KCTD8: variants seen among roughly 807,000 people sequenced by gnomAD.
The protein encoded by KCTD8 is potassium channel tetramerization domain containing 8.
A neutral mutation model predicts 31.5 loss-of-function variants in KCTD8; 27 were observed. That is an observed-to-expected ratio of 0.86 (90% CI 0.63 to 1.18). The LOEUF (loss-of-function observed/expected upper bound fraction) is 1.18. Among genes scored for constraint, KCTD8 ranks in the 50% most tolerant of loss-of-function variants. The pLI is 0.00. For synonymous variants in KCTD8, 290 were observed against 280.0 expected (o/e 1.04, Z -0.36); for missense variants, 658 against 647.7 (o/e 1.02, Z -0.17).
intron 1 of KCTD8, among the ~76,000 whole-genome samples, chr4:44,209,955 T>G (rs905260553): frequency 1.2e-4 from 18 of 152,184 alleles, no homozygotes; most frequent in African/African-American, 4.1e-4. Flanking sequence ...TATAGAATTC[T>G]GACTAAATAA....
At chr4:44,418,937 A>G (rs569428792) in intron 1 of KCTD8, among the ~76,000 whole-genome samples, 13 of 152,338 alleles carry the variant, frequency 8.5e-5, no homozygotes, top group African/African-American at 2.6e-4. Context: ...TACCTTTTAT[A>G]TAACCCAACC....
intron 1 of KCTD8, among the ~76,000 whole-genome samples, chr4:44,439,389 AT>A (rs1721759672): frequency 6.6e-6 from 1 of 152,112 alleles, no homozygotes; most frequent in African/African-American, 2.4e-5. Flanking sequence ...TGGTTACAAT[AT>A]GGTAGAAATA....
intron 1 of KCTD8, among the ~76,000 whole-genome samples, chr4:44,365,361 C>A (rs1700639087): frequency 6.6e-6 from 1 of 151,952 alleles, no homozygotes; most frequent in South Asian, 2.1e-4. Context: ...TCTAGTTCCA[C>A]CAAAATTCTC....
At chr4:44,202,879 T>G (rs140782732) in intron 1 of KCTD8, among the ~76,000 whole-genome samples, 2 of 152,180 alleles carry the variant, frequency 1.3e-5, no homozygotes, top group Non-Finnish European at 2.9e-5. Context: ...ATTGAAAATT[T>G]TCTTTAGTTA....
chr4:44,314,561 CT>C (rs1237365978), intron 1 of KCTD8, among the ~76,000 whole-genome samples: 9 of 152,196 alleles, frequency 5.9e-5, no homozygotes, highest in African/African-American at 2.2e-4. Flanking sequence ...AATGTTTCCT[CT>C]GCCTGACACA....
intron 1 of KCTD8, among the ~76,000 whole-genome samples, chr4:44,270,503 G>A (rs960310617): frequency 2.0e-5 from 3 of 151,752 alleles, no homozygotes; most frequent in African/African-American, 7.3e-5. Flanking sequence ...TAACTAACCT[G>A]CACATTGTGC....
At chr4:44,404,520 T>C (rs1280290569) in intron 1 of KCTD8, among the ~76,000 whole-genome samples, 1 of 152,204 alleles carries the variant, frequency 6.6e-6, no homozygotes, top group African/African-American at 2.4e-5. Context: ...CATTTCCTAA[T>C]GGGACAATAA....
At chr4:44,396,658 C>T (rs1345280837) in intron 1 of KCTD8, among the ~76,000 whole-genome samples, 2 of 151,922 alleles carry the variant, frequency 1.3e-5, no homozygotes, top group Non-Finnish European at 2.9e-5. Flanking sequence ...CAGGTCAAAT[C>T]TTGGTTACCC....
intron 1 of KCTD8, among the ~76,000 whole-genome samples, chr4:44,221,330 GGTGTGT>G (rs1025611524): frequency 6.8e-6 from 1 of 146,902 alleles, no homozygotes; most frequent in African/African-American, 2.6e-5. Flanking sequence ...GGGTCCATCA[GGTGTGT>G]GTGTGTGTGC....
chr4:44,411,452 A>G (rs1405790866), intron 1 of KCTD8, among the ~76,000 whole-genome samples: 2 of 151,646 alleles, frequency 1.3e-5, no homozygotes, highest in African/African-American at 2.4e-5. Flanking sequence ...TATAATCATT[A>G]TTTGTGATCT....
At chr4:44,223,834 G>T (rs1046794892) in intron 1 of KCTD8, among the ~76,000 whole-genome samples, 18 of 152,084 alleles carry the variant, frequency 1.2e-4, no homozygotes, top group African/African-American at 3.6e-4. Context: ...AGTTTTATTG[G>T]AACACGGTCA....
intron 1 of KCTD8, among the ~76,000 whole-genome samples, chr4:44,412,316 G>A (rs974142096): frequency 6.6e-5 from 10 of 152,092 alleles, no homozygotes; most frequent in African/African-American, 1.9e-4. Context: ...AGAAGTATGC[G>A]TAAATATTAC....
intron 1 of KCTD8, among the ~76,000 whole-genome samples, chr4:44,215,847 GA>G (rs1301759226): frequency 6.6e-6 from 1 of 152,188 alleles, no homozygotes; most frequent in Non-Finnish European, 1.5e-5. Flanking sequence ...TGCCTTAACT[GA>G]TACATCTTTC....
At chr4:44,283,459 C>T (rs954330070) in intron 1 of KCTD8, among the ~76,000 whole-genome samples, 1 of 152,098 alleles carries the variant, frequency 6.6e-6, no homozygotes, top group African/African-American at 2.4e-5. Flanking sequence ...CAGGTTGACT[C>T]TCTTGTTAGG....
intron 1 of KCTD8, among the ~76,000 whole-genome samples, chr4:44,285,705 C>A (rs183710330): frequency 6.6e-6 from 1 of 152,168 alleles, no homozygotes; most frequent in Admixed American, 6.6e-5. Flanking sequence ...GTTGTTTTCC[C>A]GCCTGCTAAC....
intron 1 of KCTD8, among the ~76,000 whole-genome samples, chr4:44,364,569 T>G (rs539306982): frequency 2.0e-5 from 3 of 152,258 alleles, no homozygotes; most frequent in Admixed American, 2.0e-4. Context: ...AAACTGTACT[T>G]TATCCAAATG....
intron 1 of KCTD8, among the ~76,000 whole-genome samples, chr4:44,351,146 T>C (rs1177533044): frequency 6.6e-6 from 1 of 152,170 alleles, no homozygotes; most frequent in African/African-American, 2.4e-5. Flanking sequence ...TATTTACATA[T>C]TGATTTTTAA....
chr4:44,410,931 A>G (rs545796932), intron 1 of KCTD8, among the ~76,000 whole-genome samples: 5 of 152,170 alleles, frequency 3.3e-5, no homozygotes, highest in Non-Finnish European at 4.4e-5. Context: ...AGTTCTGTAA[A>G]ATAACAAGTA....
chr4:44,367,795 A>G (rs546928307), intron 1 of KCTD8, among the ~76,000 whole-genome samples: 12 of 152,014 alleles, frequency 7.9e-5, no homozygotes, highest in African/African-American at 2.9e-4. Context: ...TACAGAAACC[A>G]TCACTCATCA....
Sources: allele counts gnomAD v4.1 joint callset (sites outside exome capture counted in the v4.1 genomes callset), GRCh38; gene constraint gnomAD v4.1.1; transcripts MANE v1.5; gene names NCBI Gene and HGNC (gene_info 2026-07-23, HGNC 2026-07-21).